Variants in SORBS2 observed in about 807,000 individuals in gnomAD.
SORBS2 encodes sorbin and SH3 domain containing 2, also known as sorbin and SH3 domain-containing protein 2.
A neutral mutation model predicts 97.7 loss-of-function variants in SORBS2; 46 were observed. The ratio of observed to expected loss-of-function variants is 0.47; its 90% CI spans 0.37 to 0.60. The LOEUF (loss-of-function observed/expected upper bound fraction) is 0.60. Among genes scored for constraint, SORBS2 ranks in the 20% least tolerant of loss-of-function variants. SORBS2 has a pLI of 0.00. For synonymous variants in SORBS2, 476 were observed against 473.4 expected (o/e 1.01, Z -0.07); for missense variants, 1,316 against 1,282.3 (o/e 1.03, Z -0.40).
At chr4:185,874,223 T>C (rs13114501) in intron 1 of SORBS2, among the ~76,000 whole-genome samples, 33,358 of 152,152 alleles carry the variant, frequency 0.22, 4,192 homozygotes, top group East Asian at 0.54. Flanking sequence ...TGTTGAAAAA[T>C]ATTTATTAAT....
intron 1 of SORBS2, among the ~76,000 whole-genome samples, chr4:185,776,733 TA>T (rs71593655): frequency 6.6e-6 from 1 of 151,068 alleles, no homozygotes; most frequent in African/African-American, 2.4e-5. Flanking sequence ...ACCCCATCTC[TA>T]AAAAAAATGC....
In SORBS2 at chr4:185,751,172, TAA is replaced by T. The variant is rs71593649; in HGVS notation, c.-198+24053_-198+24054del. Among the ~76,000 whole-genome samples the T allele has an allele frequency of 3.2e-4, 10 of 31,714 alleles. 1 individual carries two copies. The highest frequency in any genetic ancestry group is 1.7e-3 in the South Asian group (1 of 586). 20.8% of individuals were successfully genotyped at this position (31,714 alleles called of 152,430 possible). On this transcript the variant is annotated intron_variant, in intron 2 of 20. Transcript: ENST00000284776. ...AAGGAATGCTCTTAGCTCTAAATAC[TAA>T]AAAAAAAAAAAAAAAAAGAGAAAGA...
At chr4:185,877,887 G>GAAAA (rs2099234547) in intron 1 of SORBS2, among the ~76,000 whole-genome samples, 1 of 118,080 alleles carries the variant, frequency 8.5e-6, no homozygotes. Flanking sequence ...AAAAAAAAAA[G>GAAAA]AAAGAAAGAA....
chr4:185,931,430 A>T (rs1489850866), intron 1 of SORBS2, among the ~76,000 whole-genome samples: 1 of 152,232 alleles, frequency 6.6e-6, no homozygotes, highest in Admixed American at 6.5e-5. Flanking sequence ...AGTTGGGAAG[A>T]GTGACTGAGC....
chr4:185,894,686 A>G (rs2099244152), intron 1 of SORBS2, among the ~76,000 whole-genome samples: 3 of 152,170 alleles, frequency 2.0e-5, no homozygotes, highest in Admixed American at 1.3e-4. Context: ...GGTTCAGCCA[A>G]TCAGCTCCAT....
At position 185,925,349 on chromosome 4, in the gene SORBS2, G is replaced by A. The variant is rs77265893; in HGVS notation, c.-338+30847C>T. Among the ~76,000 whole-genome samples, 1,268 of 152,312 alleles carry A rather than the reference G, an allele frequency of 8.3e-3. 18 individuals carry two copies. The highest frequency in any genetic ancestry group is 0.028 in the African/African-American group (1,168 of 41,578). ...CCTAGCCCTAGAGGCAGAATAGGATGTGGTGGGTGGTCAGAATTATAATTA... is the reference window on the plus strand; with the variant it reads ...CCTAGCCCTAGAGGCAGAATAGGATATGGTGGGTGGTCAGAATTATAATTA... On this transcript the variant is annotated intron_variant, in intron 1 of 20. Coordinates refer to the SORBS2 transcript ENST00000284776.
intron 2 of SORBS2, among the ~76,000 whole-genome samples, chr4:185,745,331 C>T (rs1300687417): frequency 6.6e-6 from 1 of 152,158 alleles, no homozygotes; most frequent in East Asian, 1.9e-4. Flanking sequence ...CCCAGATTCT[C>T]CCGCAAGTAA....
chr4:185,736,594 C>T (rs1217425252), intron 2 of SORBS2, among the ~76,000 whole-genome samples: 7 of 152,212 alleles, frequency 4.6e-5, no homozygotes, highest in African/African-American at 1.7e-4. Context: ...AAACCAGTGC[C>T]TGCTTCGTTA....
At chr4:185,762,037 G>C (rs1029249442) in intron 2 of SORBS2, among the ~76,000 whole-genome samples, 4 of 152,212 alleles carry the variant, frequency 2.6e-5, no homozygotes, top group African/African-American at 9.7e-5. Flanking sequence ...GGAAGGCAGA[G>C]AGAATGGATG....
intron 1 of SORBS2, among the ~76,000 whole-genome samples, chr4:185,849,004 A>G (rs1281529964): frequency 6.6e-6 from 1 of 152,174 alleles, no homozygotes; most frequent in Non-Finnish European, 1.5e-5. Context: ...TGACACAGGG[A>G]CTTGACAGCT....
At chr4:185,916,038 G>A (rs1056818215) in intron 1 of SORBS2, among the ~76,000 whole-genome samples, 1 of 152,154 alleles carries the variant, frequency 6.6e-6, no homozygotes, top group Non-Finnish European at 1.5e-5. Context: ...GAGGGAAATG[G>A]CAGGTGGATA....
intron 2 of SORBS2, among the ~76,000 whole-genome samples, chr4:185,696,795 C>T (rs1325432993): frequency 2.6e-5 from 4 of 152,228 alleles, no homozygotes; most frequent in African/African-American, 7.2e-5. Flanking sequence ...GGGATCATTA[C>T]GGAACAACAT....
chr4:185,900,975 C>T (rs1017326172), intron 1 of SORBS2, among the ~76,000 whole-genome samples: 1 of 152,210 alleles, frequency 6.6e-6, no homozygotes, highest in African/African-American at 2.4e-5. Context: ...CCTCATTTTG[C>T]ACATATCTAA....
chr4:185,853,478 GC>G (rs1352612699), intron 1 of SORBS2, among the ~76,000 whole-genome samples: 2 of 152,124 alleles, frequency 1.3e-5, no homozygotes, highest in Non-Finnish European at 2.9e-5. Flanking sequence ...TCACACGGGG[GC>G]CAATTAGGGC....
intron 1 of SORBS2, among the ~76,000 whole-genome samples, chr4:185,898,622 G>A (rs2099246102): frequency 6.6e-6 from 1 of 152,110 alleles, no homozygotes. Context: ...AAACTAACTA[G>A]CGGCTACGTT....
At chr4:185,647,522 T>A (rs1296279235) in intron 3 of SORBS2, among the ~76,000 whole-genome samples, 1 of 149,466 alleles carries the variant, frequency 6.7e-6, no homozygotes, top group Non-Finnish European at 1.5e-5. Context: ...GCTCAAGCCA[T>A]CCTCTCTCCT....
chr4:185,842,783 A>C (rs2099212348), intron 1 of SORBS2, among the ~76,000 whole-genome samples: 1 of 152,040 alleles, frequency 6.6e-6, no homozygotes, highest in South Asian at 2.1e-4. Flanking sequence ...AAAATACAAA[A>C]AATTAGCCAG....
At chr4:185,833,121 A>C (rs1052041897) in intron 1 of SORBS2, among the ~76,000 whole-genome samples, 6 of 152,236 alleles carry the variant, frequency 3.9e-5, no homozygotes, top group Admixed American at 2.0e-4. Context: ...CTAATTCCAA[A>C]GAACAAAAGA....
At chr4:185,829,820 T>C (rs1430167499) in intron 1 of SORBS2, among the ~76,000 whole-genome samples, 2 of 152,230 alleles carry the variant, frequency 1.3e-5, no homozygotes, top group Non-Finnish European at 2.9e-5. Context: ...ATCTGCTCTA[T>C]ACAACCCATG....
Sources: gnomAD v4.1 joint callset for allele counts (sites outside exome capture counted in the v4.1 genomes callset) on GRCh38, gnomAD v4.1.1 for gene constraint, MANE v1.5 for transcripts, NCBI Gene and HGNC (gene_info 2026-07-23, HGNC 2026-07-21) for gene names.